The following ENPP4 variants were observed in gnomAD, a reference collection of about 807,000 sequenced individuals.
ENPP4 encodes bis(5'-adenosyl)-triphosphatase ENPP4.
In ENPP4, 18 loss-of-function variants were observed where a neutral mutation model predicts 33.4. That is an observed-to-expected ratio of 0.54 (90% CI 0.37 to 0.80). ENPP4 has a LOEUF of 0.80. Among genes scored for constraint, ENPP4 ranks in the 30% least tolerant of loss-of-function variants. The pLI, the probability that ENPP4 is intolerant of heterozygous loss-of-function variation, is 0.00. For missense variants in ENPP4, 480 were observed against 541.7 expected (o/e 0.89, Z 1.13); for synonymous variants, 172 against 189.9 (o/e 0.91, Z 0.78).
chr6:46,139,860 A>C lies in ENPP4; in HGVS notation c.277A>C (p.Met93Leu). Reference sequence around the variant, plus strand: ...AAGCCATGGCATTGTGGCTAATTCCATGTATGATGCAGTCACAAAGAAACA... The same window carrying C: ...AAGCCATGGCATTGTGGCTAATTCCCTGTATGATGCAGTCACAAAGAAACA... ...EESHGIVANS[M>L]YDAVTKKHFS... The change falls in exon 2 of 4, where the codon ATG becomes CTG. Residue 93 changes from methionine (M) to leucine (L), a missense_variant. This residue lies in a region of ENPP4 where 227 missense variants were observed against 273.7 expected (regional missense o/e 0.83). Coordinates refer to ENST00000321037, the MANE Select transcript of ENPP4 (RefSeq NM_014936.5). The C allele has an allele frequency of 6.2e-7, 1 of 1,612,750 alleles. No homozygotes were observed. The highest frequency in any genetic ancestry group is 1.1e-5 in the South Asian group (1 of 91,060).
chr6:46,135,579 T>C (rs931059678), intron 1 of ENPP4, among the ~76,000 whole-genome samples: 3 of 152,070 alleles, frequency 2.0e-5, no homozygotes, highest in Non-Finnish European at 2.9e-5. Context: ...TTCAGATATA[T>C]GATTTGCAAA....
chr6:46,140,092 G>T lies in ENPP4; in HGVS notation c.509G>T (p.Trp170Leu). The change falls in exon 2 of 4, where the codon TGG becomes TTG. Residue 170 changes from tryptophan to leucine, a missense_variant. By Grantham distance (61) the Trp-to-Leu change is moderately conservative. Transcript: ENST00000321037. The part of the protein sequence containing the change: ...FEERLNNITM[W>L]LNNSNPPVTF... ...GAAAGACTAAATAATATTACTATGT[G>T]GCTAAACAATTCGAACCCACCAGTC... 1 of 1,612,472 alleles carries T rather than the reference G, an allele frequency of 6.2e-7. No individual in the cohort carries two copies. The highest frequency in any genetic ancestry group is 8.5e-7 in the Non-Finnish European group (1 of 1,179,032).
rs780695367 is a variant in ENPP4, at chr6:46,139,878, AAG to A, written c.297_298del (p.Lys100ThrfsTer4). 86 of 1,612,858 alleles carry A rather than the reference AAG, an allele frequency of 5.3e-5. No individual in the cohort carries two copies. Among genetic ancestry groups the A allele is most frequent in the Non-Finnish European group, 7.0e-5 (82 of 1,179,168 alleles). ...VANSMYDAVT[K>X]KHFSDSNDKD... is the part of the protein sequence containing the mutation. ...TAATTCCATGTATGATGCAGTCACA[AAG>A]AAACACTTTTCTGACTCTAATGACA... On this transcript the variant is annotated frameshift_variant, in exon 2 of 4. Coordinates refer to ENST00000321037, the MANE Select transcript of ENPP4 (RefSeq NM_014936.5). LOFTEE classifies it high-confidence loss of function.
Position 46,143,896 on chromosome 6 carries a change from C to G in ENPP4, c.*256C>G, listed in dbSNP as rs372599892. Reference sequence around the variant, plus strand: ...TAGGAAATCATTAGGTAACATCAATCCTAACTAGAAATACTAAAAATGGCT... The same window carrying G: ...TAGGAAATCATTAGGTAACATCAATGCTAACTAGAAATACTAAAAATGGCT... On this transcript the variant is annotated 3_prime_UTR_variant, in exon 4 of 4. Coordinates refer to ENST00000321037, the MANE Select transcript of ENPP4 (RefSeq NM_014936.5). 52 of 322,668 alleles carry G rather than the reference C, an allele frequency of 1.6e-4. No homozygotes were observed. The East Asian group carries it at 2.1e-3, about 13-fold the overall frequency. 20.0% of individuals were successfully genotyped at this position (322,668 alleles called of 1,614,324 possible).
intron 1 of ENPP4, among the ~76,000 whole-genome samples, chr6:46,132,303 C>G (rs534136158): frequency 6.4e-4 from 97 of 152,202 alleles, no homozygotes; most frequent in Middle Eastern, 3.4e-3. Context: ...ACGTTTAAGT[C>G]TTTAATCCAT....
chr6:46,134,969 G>A lies in ENPP4; in HGVS notation c.-33-4582G>A, dbSNP rs1171219989. 5.9e-5 allele frequency among the ~76,000 whole-genome samples: 9 copies of A among 151,974 alleles called. No individual in the cohort carries two copies. The East Asian group carries it at 7.7e-4, about 13-fold the overall frequency. On this transcript the variant is annotated intron_variant, in intron 1 of 3. Transcript: ENST00000321037. ...ATAATAAGTGATTTTTTGTGACTGC[G>A]TTCTTACATTTAGCGTATTTATCCA...
chr6:46,138,268 G>C (rs1764003847), intron 1 of ENPP4, among the ~76,000 whole-genome samples: 1 of 151,816 alleles, frequency 6.6e-6, no homozygotes, highest in Non-Finnish European at 1.5e-5. Context: ...CCCAATTTCA[G>C]CTGCTCTTTA....
At chr6:46,143,072 GA>G (rs1764090676) in intron 3 of ENPP4, among the ~76,000 whole-genome samples, 2 of 147,972 alleles carry the variant, frequency 1.4e-5, no homozygotes, top group East Asian at 4.0e-4. Context: ...GACCAGTTGG[GA>G]AAAGGGGCAT....
rs2127493465 is a variant in ENPP4, at chr6:46,144,794, A to G, written c.*1154A>G. 2.6e-6 allele frequency: 1 copy of G among 389,190 alleles called. No individual in the cohort carries two copies. Among genetic ancestry groups the G allele is most frequent in the African/African-American group, 2.1e-5 (1 of 48,428 alleles). 24.1% of individuals were successfully genotyped at this position (389,190 alleles called of 1,614,324 possible). A position where few individuals can be genotyped will look rare whatever the true frequency, so the allele number is the denominator to read the frequency against. ...TAAGAAATTTTAAACAAAATTTAGT[A>G]TCTTTTGGTCTTTCACACCATTCAT... On this transcript the variant is annotated 3_prime_UTR_variant, in exon 4 of 4. Transcript: ENST00000321037.
At position 46,144,642 on chromosome 6, in the gene ENPP4, T is replaced by G. The variant is rs951974199; in HGVS notation, c.*1002T>G. 3.6e-6 allele frequency: 1 copy of G among 274,760 alleles called. No homozygotes were observed. Among genetic ancestry groups the G allele is most frequent in the African/African-American group, 2.2e-5 (1 of 45,824 alleles). The allele number at this position is 274,760 out of a possible 1,614,324, so 17.0% of individuals were successfully genotyped here. On this transcript the variant is annotated 3_prime_UTR_variant, in exon 4 of 4. Transcript: ENST00000321037. Reference sequence around the variant, plus strand: ...CTCATGTTTGTTGTAACCTGAGGTATCCAAATGCTACAGAAAAATTTATGA... The same window carrying G: ...CTCATGTTTGTTGTAACCTGAGGTAGCCAAATGCTACAGAAAAATTTATGA...
In ENPP4 at chr6:46,144,247, A is replaced by G. The variant is rs1764111180; in HGVS notation, c.*607A>G. 6.6e-6 allele frequency: 1 copy of G among 151,764 alleles called. No individual in the cohort carries two copies. Among genetic ancestry groups the G allele is most frequent in the Non-Finnish European group, 1.5e-5 (1 of 67,822 alleles). 9.4% of individuals were successfully genotyped at this position (151,764 alleles called of 1,614,324 possible). On this transcript the variant is annotated 3_prime_UTR_variant, in exon 4 of 4. Coordinates refer to ENST00000321037, the MANE Select transcript of ENPP4 (RefSeq NM_014936.5). ...TTAAGGAAACCTATTTGAAAAAAAA[A>G]GCAAAGACCATTTGATAAAAGCCTG...
At chr6:46,135,845 G>A (rs945404799) in intron 1 of ENPP4, among the ~76,000 whole-genome samples, 1 of 151,968 alleles carries the variant, frequency 6.6e-6, no homozygotes, top group Non-Finnish European at 1.5e-5. Flanking sequence ...GAGTTTTTGT[G>A]TATGGTATGA....
In ENPP4 at chr6:46,139,788, A is replaced by G. The variant is rs1764028363; in HGVS notation, c.205A>G (p.Lys69Glu). The G allele has an allele frequency of 4.3e-6, 7 of 1,612,264 alleles. No homozygotes were observed. Among genetic ancestry groups the G allele is most frequent in the Non-Finnish European group, 5.9e-6 (7 of 1,178,872 alleles). Residue 69 changes from lysine to glutamate, a missense_variant, in exon 2 of 4, where the codon AAA becomes GAA. By Grantham distance (56) the Lys-to-Glu change is moderately conservative. Transcript: ENST00000321037. ...VEHVKNVFIT[K>E]TFPNHYSIVT... ...GCATGTTAAAAATGTTTTTATCACAAAAACATTTCCAAACCACTACAGTAT... is the reference window on the plus strand; with the variant it reads ...GCATGTTAAAAATGTTTTTATCACAGAAACATTTCCAAACCACTACAGTAT...
chr6:46,136,096 C>T (rs549768494), intron 1 of ENPP4, among the ~76,000 whole-genome samples: 12 of 151,998 alleles, frequency 7.9e-5, no homozygotes, highest in South Asian at 6.2e-4. Context: ...TATTTTTCCC[C>T]GTGAGAAGAT....
chr6:46,131,308 C>A (rs12198845), intron 1 of ENPP4, among the ~76,000 whole-genome samples: 19,830 of 151,052 alleles, frequency 0.13, 1,718 homozygotes, highest in South Asian at 0.32. Flanking sequence ...ATCCCTCCCC[C>A]TTCCCCCCAC....
At chr6:46,132,259 GT>G (rs1258307864) in intron 1 of ENPP4, among the ~76,000 whole-genome samples, 2 of 152,072 alleles carry the variant, frequency 1.3e-5, no homozygotes, top group Non-Finnish European at 2.9e-5. Context: ...TAATGCCTAG[GT>G]TTTCTTCTAG....
chr6:46,143,117 A>AGT (rs1764092086), intron 3 of ENPP4, among the ~76,000 whole-genome samples, 159 bp from the exon 4 acceptor site: 1 of 150,944 alleles, frequency 6.6e-6, no homozygotes, highest in South Asian at 2.1e-4. Flanking sequence ...TGAGAGAGAG[A>AGT]GAGAGAGAGG....
chr6:46,139,938 A>G lies in ENPP4; in HGVS notation c.355A>G (p.Ile119Val), dbSNP rs763817082. The G allele has an allele frequency of 1.9e-6, 3 of 1,612,836 alleles. No individual in the cohort carries two copies. Residue 119 changes from isoleucine to valine, a missense_variant, in exon 2 of 4, where the codon ATT (isoleucine) becomes GTT (valine). By Grantham distance (29) the Ile-to-Val change is conservative. Around this residue, in one of 3 missense-constraint regions of ENPP4, gnomAD observed 227 missense variants for 273.7 expected, o/e 0.83. Transcript: ENST00000321037. ...TTTTTGGTGGAATGAGGCAGTACCT[A>G]TTTGGGTGACCAATCAGCTTCAGGA... ...DPFWWNEAVPIWVTNQLQENR... is the reference protein window; with the variant it reads ...DPFWWNEAVPVWVTNQLQENR...
rs1009089615 is a variant in ENPP4, at chr6:46,145,206, G to A, written c.*1566G>A. ...TCTGTGATGGTAAAGAACAACAGTG[G>A]TGCCAGTCATCAAACATACAGTGCG... On this transcript the variant is annotated 3_prime_UTR_variant, in exon 4 of 4. Coordinates refer to ENST00000321037, the MANE Select transcript of ENPP4 (RefSeq NM_014936.5). The A allele has an allele frequency of 2.1e-5, 7 of 329,024 alleles. No homozygotes were observed. Among genetic ancestry groups the A allele is most frequent in the Non-Finnish European group, 3.3e-5 (6 of 182,496 alleles). 20.4% of individuals were successfully genotyped at this position (329,024 alleles called of 1,614,324 possible).
Sources: allele counts gnomAD v4.1 joint callset (sites outside exome capture counted in the v4.1 genomes callset), GRCh38; gene constraint gnomAD v4.1.1; regional missense constraint gnomAD v4.1.1; transcripts MANE v1.5; gene names NCBI Gene and HGNC (gene_info 2026-07-23, HGNC 2026-07-21).